BRD10: variants seen among roughly 807,000 people sequenced by gnomAD.
The protein encoded by BRD10 is uncharacterized bromodomain-containing protein 10.
the BRD10 span, among the ~76,000 whole-genome samples, chr9:5,890,460 G>C: frequency 6.6e-6 from 1 of 152,090 alleles, no homozygotes; most frequent in East Asian, 1.9e-4. Context: ...GATGCCTTTG[G>C]TGTTAACTGT....
At chr9:5,927,549 G>C in the BRD10 span, among the ~76,000 whole-genome samples, 1 of 151,992 alleles carries the variant, frequency 6.6e-6, no homozygotes, top group Non-Finnish European at 1.5e-5. Context: ...TAATTCTCCT[G>C]AATAGACTTC....
the BRD10 span, among the ~76,000 whole-genome samples, chr9:5,941,218 A>C: frequency 1.3e-5 from 2 of 152,194 alleles, no homozygotes; most frequent in South Asian, 4.1e-4. Context: ...CAATAAGATC[A>C]GGTAAAGTTA....
the BRD10 span, among the ~76,000 whole-genome samples, chr9:5,955,986 T>G: frequency 6.6e-6 from 1 of 152,244 alleles, no homozygotes; most frequent in South Asian, 2.1e-4. Context: ...TACACTGCCT[T>G]TACCATTTTT....
At chr9:5,920,147 G>A in the BRD10 span, 16 of 1,613,938 alleles carry the variant, frequency 9.9e-6, no homozygotes, top group Non-Finnish European at 1.4e-5. Context: ...GCCACTTAAG[G>A]AATTATTTGA....
chr9:6,006,610 C>G, the BRD10 span, among the ~76,000 whole-genome samples: 4 of 152,252 alleles, frequency 2.6e-5, no homozygotes, highest in Admixed American at 2.6e-4. Context: ...TGTGTTGATG[C>G]ATTCCCTATT....
chr9:5,885,090 G>C, the BRD10 span, among the ~76,000 whole-genome samples: 1 of 152,100 alleles, frequency 6.6e-6, no homozygotes, highest in African/African-American at 2.4e-5. Flanking sequence ...CTGGCTGCTG[G>C]GGCTTCCCCT....
the BRD10 span, among the ~76,000 whole-genome samples, chr9:5,983,157 G>T: frequency 3.3e-5 from 5 of 152,112 alleles, no homozygotes; most frequent in Non-Finnish European, 5.9e-5. Flanking sequence ...AACTGGGGAG[G>T]TAACTGAGTT....
At chr9:5,979,126 A>G in the BRD10 span, among the ~76,000 whole-genome samples, 1 of 152,222 alleles carries the variant, frequency 6.6e-6, no homozygotes, top group African/African-American at 2.4e-5. Context: ...AAAAATAATC[A>G]CTGGAGTTTA....
the BRD10 span, among the ~76,000 whole-genome samples, chr9:5,972,139 T>C: frequency 6.6e-6 from 1 of 151,956 alleles, no homozygotes; most frequent in South Asian, 2.1e-4. Flanking sequence ...ACTACTACAG[T>C]GATAAGAAAT....
the BRD10 span, chr9:5,909,028 A>G: frequency 3.1e-6 from 1 of 318,296 alleles, no homozygotes; most frequent in Non-Finnish European, 5.8e-6. Flanking sequence ...GGGGCCATCC[A>G]ATTTCTCTTT....
At chr9:5,996,072 T>C in the BRD10 span, among the ~76,000 whole-genome samples, 13 of 152,250 alleles carry the variant, frequency 8.5e-5, no homozygotes, top group South Asian at 2.7e-3. Context: ...TGGACAAAAA[T>C]ATGAAACTAA....
the BRD10 span, chr9:5,968,744 A>G: frequency 3.1e-6 from 5 of 1,613,778 alleles, no homozygotes; most frequent in African/African-American, 6.7e-5. Context: ...AATGGGTGGA[A>G]TTGGAAATTC....
the BRD10 span, among the ~76,000 whole-genome samples, chr9:5,880,428 T>G: frequency 6.6e-6 from 1 of 151,494 alleles, no homozygotes; most frequent in African/African-American, 2.4e-5. Flanking sequence ...AGGAGAGAAC[T>G]GCTTCAACCT....
At chr9:5,965,408 A>C in the BRD10 span, among the ~76,000 whole-genome samples, 2 of 152,236 alleles carry the variant, frequency 1.3e-5, no homozygotes, top group Admixed American at 1.3e-4. Flanking sequence ...AGAATAACTT[A>C]ACAATTTAGA....
the BRD10 span, among the ~76,000 whole-genome samples, chr9:5,918,844 G>C: frequency 2.4e-4 from 35 of 147,918 alleles, no homozygotes; most frequent in African/African-American, 8.2e-4. Flanking sequence ...GGCATTTTCT[G>C]AAACACAAGA....
the BRD10 span, among the ~76,000 whole-genome samples, chr9:5,999,214 G>C: frequency 2.6e-5 from 4 of 151,932 alleles, no homozygotes; most frequent in African/African-American, 9.7e-5. Flanking sequence ...AGAACAGAGA[G>C]AAGATTGAAA....
chr9:5,953,972 A>G, the BRD10 span: 1 of 1,184,366 alleles, frequency 8.4e-7, no homozygotes, highest in East Asian at 2.5e-5. Flanking sequence ...ATGAACACTG[A>G]AACAAAAAAT....
the BRD10 span, among the ~76,000 whole-genome samples, chr9:5,967,736 A>G: frequency 6.7e-3 from 1,012 of 151,816 alleles, 17 homozygotes; most frequent in African/African-American, 0.023. Flanking sequence ...GCGATGGGAA[A>G]GAAATTGGTC....
the BRD10 span, chr9:5,968,461 C>G: frequency 1.2e-6 from 2 of 1,611,864 alleles, no homozygotes; most frequent in Non-Finnish European, 1.7e-6. Flanking sequence ...TCCTTGGTTT[C>G]TCTAAATTTT....
Sources: gnomAD v4.1 joint callset for allele counts (sites outside exome capture counted in the v4.1 genomes callset) on GRCh38, gnomAD v4.1.1 for gene constraint, MANE v1.5 for transcripts, NCBI Gene and HGNC (gene_info 2026-07-23, HGNC 2026-07-21) for gene names.